DCC: variants seen among roughly 807,000 people sequenced by gnomAD.
DCC encodes the protein DCC netrin 1 receptor.
DCC carries 58 observed loss-of-function variants against 172.5 expected under a neutral mutation model. That is an observed-to-expected ratio of 0.34 (90% confidence interval 0.27 to 0.42). DCC has a LOEUF of 0.42. DCC is among the 10% of genes least tolerant of loss of function. DCC has a pLI of 1.00. For missense variants in DCC, 1,740 were observed against 1,791.0 expected (o/e 0.97, Z 0.51); for synonymous variants, 709 against 644.5 (o/e 1.10, Z -1.52).
chr18:52,393,846 G>T (rs41418148), intron 1 of DCC, among the ~76,000 whole-genome samples: 10,498 of 152,088 alleles, frequency 0.069, 493 homozygotes, highest in South Asian at 0.13. Flanking sequence ...CTAATTTCCA[G>T]TCAGGATTAA....
intron 23 of DCC, among the ~76,000 whole-genome samples, chr18:53,454,436 G>A (rs951624766): frequency 6.6e-6 from 1 of 152,118 alleles, no homozygotes; most frequent in African/African-American, 2.4e-5. Context: ...CCCAACATAT[G>A]GAACACATGT....
Position 53,533,348 on chromosome 18 carries a change from A to T in DCC, c.*2695A>T, listed in dbSNP as rs1598859226. ...CTCTCTCTGATTCCCATTGGGTGAT[A>T]CCTGACAGCCAACCAGCCGCTCTGC... On this transcript the variant is annotated 3_prime_UTR_variant, in exon 29 of 29. Transcript: ENST00000442544. The T allele has an allele frequency of 6.6e-6, 1 of 152,172 alleles. No individual in the cohort carries two copies. The highest frequency in any genetic ancestry group is 1.9e-4 in the East Asian group (1 of 5,196). 9.4% of individuals were successfully genotyped at this position (152,172 alleles called of 1,614,324 possible).
intron 1 of DCC, among the ~76,000 whole-genome samples, chr18:52,366,902 C>T (rs895521784): frequency 2.0e-5 from 3 of 152,216 alleles, no homozygotes; most frequent in South Asian, 4.1e-4. Context: ...GCCGTGCGCT[C>T]GCACTCCTCA....
chr18:53,091,811 A>ATATCTATC (rs750251115), intron 7 of DCC, among the ~76,000 whole-genome samples: 24 of 141,266 alleles, frequency 1.7e-4, no homozygotes, highest in East Asian at 1.5e-3. Context: ...CACTGTACAT[A>ATATCTATC]TATCTATCTA....
At chr18:53,200,221 C>T (rs544522327) in intron 9 of DCC, among the ~76,000 whole-genome samples, 36 of 152,248 alleles carry the variant, frequency 2.4e-4, no homozygotes, top group African/African-American at 8.7e-4. Flanking sequence ...AAGAAATTAT[C>T]AGATGGGGAA....
chr18:52,851,758 T>C (rs1409325892), intron 2 of DCC, among the ~76,000 whole-genome samples: 1 of 152,116 alleles, frequency 6.6e-6, no homozygotes. Context: ...ATTGAGCACC[T>C]TTTCCATGCT....
intron 17 of DCC, among the ~76,000 whole-genome samples, chr18:53,392,684 G>A (rs750441307): frequency 6.6e-6 from 1 of 152,156 alleles, no homozygotes; most frequent in Non-Finnish European, 1.5e-5. Flanking sequence ...AGATCAACAA[G>A]TAGTTGTCAA....
chr18:53,385,128 T>C (rs34739092), intron 15 of DCC, among the ~76,000 whole-genome samples: 41,229 of 151,628 alleles, frequency 0.27, 6,158 homozygotes, highest in East Asian at 0.5. Flanking sequence ...GTTTTTCCTG[T>C]TCTTTCAGAA....
intron 7 of DCC, among the ~76,000 whole-genome samples, chr18:53,069,862 A>G (rs980895697): frequency 1.3e-4 from 20 of 152,076 alleles, no homozygotes; most frequent in African/African-American, 4.8e-4. Flanking sequence ...AAGAAATTTT[A>G]AATTATTAGT....
chr18:52,593,775 T>C (rs56240832), intron 1 of DCC, among the ~76,000 whole-genome samples: 7,281 of 152,264 alleles, frequency 0.048, 283 homozygotes, highest in Admixed American at 0.12. Context: ...ACAGCGCTCC[T>C]TTCCCATTTT....
At chr18:52,621,708 T>G (rs950073057) in intron 1 of DCC, among the ~76,000 whole-genome samples, 1 of 152,216 alleles carries the variant, frequency 6.6e-6, no homozygotes, top group African/African-American at 2.4e-5. Flanking sequence ...CCTTGGCAAT[T>G]GATTCCCATC....
intron 5 of DCC, among the ~76,000 whole-genome samples, chr18:52,934,281 A>C (rs180946640): frequency 2.0e-5 from 3 of 152,216 alleles, no homozygotes; most frequent in African/African-American, 7.2e-5. Flanking sequence ...ATACATTGAA[A>C]TTTCTTTGGC....
intron 1 of DCC, among the ~76,000 whole-genome samples, chr18:52,736,485 T>C (rs766144578): frequency 6.6e-5 from 10 of 152,094 alleles, no homozygotes; most frequent in Non-Finnish European, 1.5e-4. Context: ...TCTACATTAT[T>C]CATTCCTCTG....
At position 52,736,378 on chromosome 18, in the gene DCC, G is replaced by A. The variant is rs138334265; in HGVS notation, c.92-15676G>A. Among the ~76,000 whole-genome samples the A allele has an allele frequency of 2.0e-3, 310 of 152,076 alleles. 1 individual carries two copies. The highest frequency in any genetic ancestry group is 3.4e-3 in the Middle Eastern group (1 of 292). On this transcript the variant is annotated intron_variant, in intron 1 of 28. Coordinates refer to ENST00000442544, the MANE Select transcript of DCC (RefSeq NM_005215.4). ...TAACCCTGGCCCATGATTTAAGATGGTCAGTAATTCCTATCCCTACCACTA... is the reference window on the plus strand; with the variant it reads ...TAACCCTGGCCCATGATTTAAGATGATCAGTAATTCCTATCCCTACCACTA...
At chr18:53,405,865 AG>A (rs1909624186) in intron 19 of DCC, among the ~76,000 whole-genome samples, 1 of 152,214 alleles carries the variant, frequency 6.6e-6, no homozygotes, top group Non-Finnish European at 1.5e-5. Context: ...CAAATAAGCA[AG>A]AAGTGGCAGA....
At chr18:52,447,470 G>C (rs1280044679) in intron 1 of DCC, among the ~76,000 whole-genome samples, 1 of 152,200 alleles carries the variant, frequency 6.6e-6, no homozygotes, top group Non-Finnish European at 1.5e-5. Flanking sequence ...AAGTGTGACT[G>C]ACCTTGGTGA....
rs2045561860 is a variant in DCC, at chr18:53,461,733, A to G, written c.3619+2275A>G. On this transcript the variant is annotated intron_variant, in intron 24 of 28. Coordinates refer to ENST00000442544, the MANE Select transcript of DCC (RefSeq NM_005215.4). Reference sequence around the variant, plus strand: ...CATGGATTGTTGAATATTTCTTTTCAAGCTCTCAAATGATGTCTTAGGCAG... The same window carrying G: ...CATGGATTGTTGAATATTTCTTTTCGAGCTCTCAAATGATGTCTTAGGCAG... Among the ~76,000 whole-genome samples, 2 of 152,228 alleles carry G rather than the reference A, an allele frequency of 1.3e-5. 1 individual carries two copies. The highest frequency in any genetic ancestry group is 3.8e-4 in the East Asian group (2 of 5,204).
chr18:52,682,915 A>T (rs994369746), intron 1 of DCC, among the ~76,000 whole-genome samples: 1 of 152,096 alleles, frequency 6.6e-6, no homozygotes. Flanking sequence ...AGGTGACATT[A>T]TCAGAATACC....
chr18:52,372,948 C>A (rs1366726500), intron 1 of DCC, among the ~76,000 whole-genome samples: 1 of 152,138 alleles, frequency 6.6e-6, no homozygotes, highest in African/African-American at 2.4e-5. Flanking sequence ...AAAACCTGTC[C>A]TTGACACCAT....
Sources: gnomAD v4.1 joint callset for allele counts (sites outside exome capture counted in the v4.1 genomes callset) on GRCh38, gnomAD v4.1.1 for gene constraint, MANE v1.5 for transcripts, NCBI Gene and HGNC (gene_info 2026-07-23, HGNC 2026-07-21) for gene names.